MAN2C1: variants seen among roughly 807,000 people sequenced by gnomAD.
The protein encoded by MAN2C1 is alpha-mannosidase 2C1.
In MAN2C1, 111 loss-of-function variants were observed where a neutral mutation model predicts 126.9. The ratio of observed to expected loss-of-function variants is 0.87; its 90% CI spans 0.75 to 1.02. MAN2C1 has a LOEUF of 1.02. Ranked by LOEUF, MAN2C1 falls within the 50% of genes least tolerant of loss-of-function variation. The probability of loss-of-function intolerance (pLI) is 0.00; values close to 1 mark genes in which losing one functional copy is unlikely to be tolerated. For synonymous variants in MAN2C1, 567 were observed against 561.5 expected, an observed-to-expected ratio of 1.01 and a Z score of -0.14; for missense variants, 1,363 against 1,364.4, an observed-to-expected ratio of 1.00 and a Z score of 0.02.
In MAN2C1 at chr15:75,368,476, G is replaced by A. The variant is rs888215022; in HGVS notation, c.101+7C>T. On this transcript the variant is annotated splice_region_variant and intron_variant, in intron 1 of 25. Transcript: ENST00000267978. ...GTCGGCCGGCTGCGGGGGACCAGGGGCCACACCTGCCGCGGAGGTTACAGT... is the reference window on the plus strand; with the variant it reads ...GTCGGCCGGCTGCGGGGGACCAGGGACCACACCTGCCGCGGAGGTTACAGT... 3.2e-6 allele frequency: 5 copies of A among 1,549,460 alleles called. No homozygotes were observed. The highest frequency in any genetic ancestry group is 1.4e-5 in the African/African-American group (1 of 73,196).
Position 75,360,651 on chromosome 15 carries a change from G to C in MAN2C1, c.1498C>G (p.Leu500Val). 6.2e-7 allele frequency: 1 copy of C among 1,613,904 alleles called. No individual in the cohort carries two copies. Among genetic ancestry groups the C allele is most frequent in the Non-Finnish European group, 8.5e-7 (1 of 1,180,020 alleles). The change falls in exon 13 of 26, where the codon CTG becomes GTG. Residue 500 changes from leucine (L) to valine (V), a missense_variant. This residue lies in a region of MAN2C1 where 67 missense variants were observed against 104.5 expected (regional missense o/e 0.64). Coordinates refer to ENST00000267978, the MANE Select transcript of MAN2C1 (RefSeq NM_006715.4). Reference protein sequence around the residue: ...LSSPRQLFSALESDSEQLCTW... With the variant: ...LSSPRQLFSAVESDSEQLCTW... ...CACAGCTGCTCTGAGTCACTCTCCA[G>C]TGCTGAGAAGAGCTGTCTTGGAGAA... is the stretch of plus-strand genomic sequence containing the variant.
In MAN2C1 at chr15:75,355,797, G is replaced by A. The variant is rs5745933; in HGVS notation, c.*109C>T. The stretch of plus-strand genomic sequence containing the variant: ...AAGGGGACTGAGCAGCAGGGTTCCC[G>A]ATCCAAGGATTTATTCCACAAGAAA... On this transcript the variant is annotated 3_prime_UTR_variant, in exon 26 of 26. Transcript: ENST00000267978. 14,904 of 1,168,138 alleles carry A rather than the reference G, an allele frequency of 0.013. 124 individuals are homozygous for A. Among genetic ancestry groups the A allele is most frequent in the Non-Finnish European group, 0.015 (13,064 of 871,936 alleles). The allele number at this position is 1,168,138 out of a possible 1,614,324, so 72.4% of individuals were successfully genotyped here.
intron 5 of MAN2C1, 56 bp from the exon 6 acceptor site, chr15:75,364,244 G>C: frequency 1.3e-6 from 2 of 1,531,432 alleles, no homozygotes; most frequent in Non-Finnish European, 1.8e-6. Flanking sequence ...CCAGACCTAG[G>C]CTCCACTGAT....
Position 75,362,216 on chromosome 15 carries a change from C to A in MAN2C1, c.1008+127G>T, listed in dbSNP as rs1595877488. ...CCTTGAGATCCCAGGGACTAATGAG[C>A]CAGCCCTGCCACACAGCGGGGATGA... On this transcript the variant is annotated intron_variant, in intron 8 of 25. Transcript: ENST00000267978. This position sits in a 1 kb window ranked among gnomAD's most constrained non-coding sequence, Gnocchi z 4.5. 3.7e-6 allele frequency: 3 copies of A among 821,690 alleles called. No homozygotes were observed. Among genetic ancestry groups the A allele is most frequent in the East Asian group, 5.3e-5 (2 of 37,634 alleles). 50.9% of individuals were successfully genotyped at this position (821,690 alleles called of 1,614,324 possible).
In MAN2C1 at chr15:75,362,048, T is replaced by A; in HGVS notation, c.1009-101A>T. ...TCCCTGCAGGAGAAGCCAGGGCTGC[T>A]CAAACATGGGAGTTACAGCCAGAAC... On this transcript the variant is annotated intron_variant, in intron 8 of 25. Coordinates refer to ENST00000267978, the MANE Select transcript of MAN2C1 (RefSeq NM_006715.4). This position sits in a 1 kb window ranked among gnomAD's most constrained non-coding sequence, Gnocchi z 4.5. 2.2e-6 allele frequency: 2 copies of A among 907,640 alleles called. No individual in the cohort carries two copies. Among genetic ancestry groups the A allele is most frequent in the South Asian group, 2.8e-5 (2 of 72,666 alleles). 56.2% of individuals were successfully genotyped at this position (907,640 alleles called of 1,614,324 possible).
rs1002755454 is a variant in MAN2C1 at position 75,359,685 on chromosome 15, T to C, written c.1883A>G (p.Asn628Ser). The change falls in exon 16 of 26, where the codon AAC (asparagine) becomes AGC (serine). Residue 628 changes from asparagine (N) to serine (S), a missense_variant. By Grantham distance (46) the Asn-to-Ser change is conservative. Around this residue, in one of 3 missense-constraint regions of MAN2C1, gnomAD observed 668 missense variants for 650.1 expected, o/e 1.03. Coordinates refer to ENST00000267978, the MANE Select transcript of MAN2C1 (RefSeq NM_006715.4). ...TTCGATCCGCTTCCAGGGCAGTGTGTTGACGATGAGGAGGCCCTCAGGACC... is the reference window on the plus strand; with the variant it reads ...TTCGATCCGCTTCCAGGGCAGTGTGCTGACGATGAGGAGGCCCTCAGGACC... ...EPGPEGLLIV[N>S]TLPWKRIEVM... The C allele has an allele frequency of 6.2e-7, 1 of 1,614,182 alleles. No individual in the cohort carries two copies. The highest frequency in any genetic ancestry group is 1.7e-5 in the Admixed American group (1 of 60,028).
Position 75,360,113 on chromosome 15 carries a change from T to C in MAN2C1, c.1683A>G (p.Ala561=). Residue 561 remains alanine, a synonymous_variant, in exon 14 of 26, where the codon GCA becomes GCG. Coordinates refer to ENST00000267978, the MANE Select transcript of MAN2C1 (RefSeq NM_006715.4). ...LARSAQFLYP[A]AQLQHLWRLL... ...ACCTCCAGAGGTGCTGCAGCTGGGCTGCTGGGTATAGGAACTGGGCACTGC... is the reference window on the plus strand; with the variant it reads ...ACCTCCAGAGGTGCTGCAGCTGGGCCGCTGGGTATAGGAACTGGGCACTGC... The C allele has an allele frequency of 6.2e-7, 1 of 1,614,020 alleles. No homozygotes were observed. Among genetic ancestry groups the C allele is most frequent in the Non-Finnish European group, 8.5e-7 (1 of 1,180,022 alleles).
chr15:75,361,290 T>A lies in MAN2C1; in HGVS notation c.1310A>T (p.Glu437Val). The A allele has an allele frequency of 6.4e-7, 1 of 1,571,132 alleles. No individual in the cohort carries two copies. The change falls in exon 11 of 26, where the codon GAG becomes GTG. Residue 437 changes from glutamate to valine, a missense_variant. Glu to Val is a moderately radical substitution (Grantham distance 121). Around this residue, in one of 3 missense-constraint regions of MAN2C1, gnomAD observed 628 missense variants for 609.8 expected, o/e 1.03. Coordinates refer to ENST00000267978, the MANE Select transcript of MAN2C1 (RefSeq NM_006715.4). The surrounding 1 kb of genome is among the most constrained non-coding windows in gnomAD (Gnocchi z 5.0). Reference protein sequence around the residue: ...GDSYGMQGSVEEVLKTVANNR... With the variant: ...GDSYGMQGSVVEVLKTVANNR... ...CCACCCTAGGTGACCCCTCACCTCCTCCACGCTGCCCTGCATCCCATAGGA... is the reference window on the plus strand; with the variant it reads ...CCACCCTAGGTGACCCCTCACCTCCACCACGCTGCCCTGCATCCCATAGGA...
rs756090784 is a variant in MAN2C1, at chr15:75,361,666, C to T, written c.1156G>A (p.Gly386Ser). The T allele has an allele frequency of 2.7e-5, 44 of 1,613,916 alleles. No homozygotes were observed. The African/African-American group carries it at 3.5e-4, about 13-fold the overall frequency. The change falls in exon 10 of 26, where the codon GGC (glycine) becomes AGC (serine). Residue 386 changes from glycine to serine, a missense_variant. Physicochemically the swap from Gly to Ser is moderately conservative, Grantham distance 56 (BLOSUM62 0). Transcript: ENST00000267978. The surrounding 1 kb of genome is among the most constrained non-coding windows in gnomAD (Gnocchi z 5.0). ...YSAQLPQIMH[G>S]CGIRRFLTQK... ...GTGAGAAAGCGCCTGATGCCACAGC[C>T]GTGCATGATCTGGGGGAGCTGTGCT...
rs557352497 is a variant in MAN2C1, at chr15:75,365,743, A to C, written c.422+779T>G. ...CTCCGTCTCAAAAAAATCCAAAAAA[A>C]CCCCCCCGAAAAAACAAAAAAAACT... On this transcript the variant is annotated intron_variant, in intron 4 of 25. Coordinates refer to ENST00000267978, the MANE Select transcript of MAN2C1 (RefSeq NM_006715.4). 6.4e-4 allele frequency: 129 copies of C among 200,846 alleles called. 1 individual carries two copies. The highest frequency in any genetic ancestry group is 2.5e-3 in the African/African-American group (103 of 41,270). 12.4% of individuals were successfully genotyped at this position (200,846 alleles called of 1,614,324 possible). A position where few individuals can be genotyped will look rare whatever the true frequency, so the allele number is the denominator to read the frequency against.
At chr15:75,358,926 C>A in intron 18 of MAN2C1, 118 bp from the exon 19 acceptor site, 1 of 1,418,350 alleles carries the variant, frequency 7.1e-7, no homozygotes, top group South Asian at 1.2e-5. Context: ...GCCCAGCCTG[C>A]CCTGCTCCAT....
Position 75,361,485 on chromosome 15 carries a change from G to T in MAN2C1, c.1219-104C>A. On this transcript the variant is annotated intron_variant, in intron 10 of 25. Coordinates refer to ENST00000267978, the MANE Select transcript of MAN2C1 (RefSeq NM_006715.4). This position sits in a 1 kb window ranked among gnomAD's most constrained non-coding sequence, Gnocchi z 5.0. ...CTGCCCCTGCCTGCTATGTGACCCT[G>T]GCAGAGGCAGAGTGAGGGTTTGGTG... The T allele has an allele frequency of 1.6e-6, 2 of 1,255,070 alleles. No individual in the cohort carries two copies. Among genetic ancestry groups the T allele is most frequent in the East Asian group, 2.3e-5 (1 of 43,168 alleles). 77.7% of individuals were successfully genotyped at this position (1,255,070 alleles called of 1,614,324 possible). A position where few individuals can be genotyped will look rare whatever the true frequency, so the allele number is the denominator to read the frequency against.
intron 21 of MAN2C1, 64 bp downstream of exon 21, chr15:75,358,137 C>G: frequency 6.3e-7 from 1 of 1,587,566 alleles, no homozygotes. Flanking sequence ...CCAGCCTGTT[C>G]CACACAAGCA....
chr15:75,359,669 C>A lies in MAN2C1; in HGVS notation c.1899G>T (p.Lys633Asn), dbSNP rs771691764. ...TGGGCAGGGCCATCACTTCGATCCG[C>A]TTCCAGGGCAGTGTGTTGACGATGA... Reference protein sequence around the residue: ...GLLIVNTLPWKRIEVMALPKP... With the variant: ...GLLIVNTLPWNRIEVMALPKP... Residue 633 changes from lysine (K) to asparagine (N), a missense_variant, in exon 16 of 26, where the codon AAG (lysine) becomes AAT (asparagine). Lys to Asn is a moderately conservative substitution (Grantham distance 94). Around this residue, in one of 3 missense-constraint regions of MAN2C1, gnomAD observed 668 missense variants for 650.1 expected, o/e 1.03. Coordinates refer to ENST00000267978, the MANE Select transcript of MAN2C1 (RefSeq NM_006715.4). 6.2e-7 allele frequency: 1 copy of A among 1,614,054 alleles called. No homozygotes were observed. Among genetic ancestry groups the A allele is most frequent in the Admixed American group, 1.7e-5 (1 of 60,008 alleles).
chr15:75,368,076 G>C lies in MAN2C1; in HGVS notation c.224C>G (p.Pro75Arg), dbSNP rs776636173. ...CCACCCGCTGGGCGTTACCTACGTG[G>C]GTCCGAAGCTGTCGCCGACCTGCGC... ...RPAQVGDSFG[P>R]TWWTCWFRVE... Residue 75 changes from proline to arginine, a missense_variant, in exon 2 of 26, where the codon CCC becomes CGC. Physicochemically the swap from Pro to Arg is moderately radical, Grantham distance 103. This residue lies in a region of MAN2C1 where 628 missense variants were observed against 609.8 expected (regional missense o/e 1.03). Coordinates refer to ENST00000267978, the MANE Select transcript of MAN2C1 (RefSeq NM_006715.4). 1.2e-6 allele frequency: 2 copies of C among 1,606,268 alleles called. No homozygotes were observed. Among genetic ancestry groups the C allele is most frequent in the Non-Finnish European group, 1.7e-6 (2 of 1,177,574 alleles).
Position 75,356,323 on chromosome 15 carries a change from AC to A in MAN2C1, c.2863del (p.Val955SerfsTer20). Reference sequence around the variant, plus strand: ...TGCCTGCTTGACGGTCTCCAATACGACCGCGGGTGAAGACACGGAAAACGCA... The same window carrying A: ...TGCCTGCTTGACGGTCTCCAATACGACGCGGGTGAAGACACGGAAAACGCA... ...WSAFSVSSPA[V>X]VLETVKQAES... On this transcript the variant is annotated frameshift_variant, in exon 24 of 26. Transcript: ENST00000267978. LOFTEE classifies it high-confidence loss of function. This position sits in a 1 kb window ranked among gnomAD's most constrained non-coding sequence, Gnocchi z 5.8. The A allele has an allele frequency of 6.2e-7, 1 of 1,611,254 alleles. No individual in the cohort carries two copies. Among genetic ancestry groups the A allele is most frequent in the Non-Finnish European group, 8.5e-7 (1 of 1,179,228 alleles).
intron 2 of MAN2C1, 43 bp downstream of exon 2, chr15:75,368,029 TC>T: frequency 6.4e-7 from 1 of 1,564,384 alleles, no homozygotes; most frequent in Non-Finnish European, 8.6e-7. Context: ...GGTTGGGACT[TC>T]CCCTAGGCCT....
At chr15:75,363,643 T>C in intron 6 of MAN2C1, 1 of 332,118 alleles carries the variant, frequency 3.0e-6, no homozygotes, top group South Asian at 2.5e-5. Context: ...CCGTCTCTAC[T>C]AAAAATACAA....
At chr15:75,360,987 G>T in intron 12 of MAN2C1, 59 bp downstream of exon 12, 1 of 1,554,340 alleles carries the variant, frequency 6.4e-7, no homozygotes, top group Non-Finnish European at 8.7e-7. Context: ...CTGAGGGAAG[G>T]CAGGGCTCAT....
Sources: allele counts gnomAD v4.1 joint callset, GRCh38; gene constraint gnomAD v4.1.1; regional missense constraint gnomAD v4.1.1; non-coding constraint Gnocchi (gnomAD v3.1); transcripts MANE v1.5; gene names NCBI Gene and HGNC (gene_info 2026-07-23, HGNC 2026-07-21).